The following SLC24A2 variants were observed in gnomAD, a reference collection of about 807,000 sequenced individuals.
The protein encoded by SLC24A2 is solute carrier family 24 member 2.
A neutral mutation model predicts 62.0 loss-of-function variants in SLC24A2; 36 were observed. That is an observed-to-expected ratio of 0.58 (90% CI 0.44 to 0.77). The LOEUF is 0.77. Ranked by LOEUF, SLC24A2 falls within the 30% of genes least tolerant of loss-of-function variation. The probability of loss-of-function intolerance (pLI) is 0.00; values close to 1 mark genes in which losing one functional copy is unlikely to be tolerated. For synonymous variants in SLC24A2, 358 were observed against 294.0 expected (o/e 1.22, Z -2.23); for missense variants, 846 against 817.9 (o/e 1.03, Z -0.42).
intron 10 of SLC24A2, among the ~76,000 whole-genome samples, chr9:19,519,786 A>T (rs1833102239): frequency 6.6e-6 from 1 of 152,210 alleles, no homozygotes; most frequent in Admixed American, 6.5e-5. Flanking sequence ...TAAAAGGGTA[A>T]GTCAGAGTTT....
At chr9:19,795,346 T>C in the SLC24A2 span, among the ~76,000 whole-genome samples, 4 of 140,262 alleles carry the variant, frequency 2.9e-5, no homozygotes, top group Admixed American at 8.2e-5. Context: ...ATTCTCCAAA[T>C]TGGCCTTTCT....
At chr9:19,613,155 T>C (rs1413994549) in intron 4 of SLC24A2, among the ~76,000 whole-genome samples, 1 of 152,258 alleles carries the variant, frequency 6.6e-6, no homozygotes, top group Non-Finnish European at 1.5e-5. Flanking sequence ...ACCCTCACTT[T>C]TTAACAACTT....
chr9:19,923,579 C>G, the SLC24A2 span, among the ~76,000 whole-genome samples: 6 of 152,106 alleles, frequency 3.9e-5, no homozygotes, highest in Admixed American at 1.3e-4. Context: ...CTGCTGTGCT[C>G]TTGGTTGAAG....
the SLC24A2 span, among the ~76,000 whole-genome samples, chr9:20,052,829 ATGT>A: frequency 6.6e-6 from 1 of 152,054 alleles, no homozygotes; most frequent in Non-Finnish European, 1.5e-5. Context: ...TTAGGACTTG[ATGT>A]TGTTTATTCT....
the SLC24A2 span, among the ~76,000 whole-genome samples, chr9:20,230,586 T>C: frequency 6.7e-6 from 1 of 150,048 alleles, no homozygotes; most frequent in East Asian, 2.0e-4. Context: ...GGTTGTTTGT[T>C]TTTTTCTTGT....
chr9:19,597,644 C>T (rs1277365395), intron 4 of SLC24A2, among the ~76,000 whole-genome samples: 4 of 152,184 alleles, frequency 2.6e-5, no homozygotes, highest in Admixed American at 6.5e-5. Context: ...ACAAGGACAA[C>T]GTCCAGGCTC....
At chr9:19,907,307 G>T in the SLC24A2 span, among the ~76,000 whole-genome samples, 2 of 152,140 alleles carry the variant, frequency 1.3e-5, no homozygotes, top group African/African-American at 2.4e-5. Flanking sequence ...CAATAAATTA[G>T]GTGTTGATGG....
chr9:19,584,466 A>AG (rs1295819298), intron 5 of SLC24A2, among the ~76,000 whole-genome samples: 2 of 152,206 alleles, frequency 1.3e-5, no homozygotes, highest in East Asian at 3.9e-4. Flanking sequence ...CCTTCTTACG[A>AG]GGGTATGGAG....
At chr9:20,004,852 A>G in the SLC24A2 span, among the ~76,000 whole-genome samples, 2 of 151,890 alleles carry the variant, frequency 1.3e-5, no homozygotes, top group Admixed American at 6.6e-5. Context: ...ATTGAACCTG[A>G]GTTGATGTAA....
At chr9:19,759,728 T>C (rs958860855) in intron 2 of SLC24A2, among the ~76,000 whole-genome samples, 6 of 152,194 alleles carry the variant, frequency 3.9e-5, no homozygotes, top group Non-Finnish European at 7.3e-5. Context: ...TAGGGATTCA[T>C]GTGTGAATAA....
the SLC24A2 span, among the ~76,000 whole-genome samples, chr9:20,025,282 T>A: frequency 6.6e-6 from 1 of 152,192 alleles, no homozygotes; most frequent in East Asian, 1.9e-4. Context: ...TCACTCTGTA[T>A]CTCAGCTCCT....
intron 8 of SLC24A2, among the ~76,000 whole-genome samples, chr9:19,534,629 T>G (rs1833869754): frequency 6.6e-6 from 1 of 152,110 alleles, no homozygotes; most frequent in South Asian, 2.1e-4. Context: ...TGTTCTTGTG[T>G]TAGTTTGCTG....
chr9:19,687,559 T>C (rs1436552141), intron 2 of SLC24A2, among the ~76,000 whole-genome samples: 1 of 152,132 alleles, frequency 6.6e-6, no homozygotes, highest in Non-Finnish European at 1.5e-5. Flanking sequence ...TTCCTCATTC[T>C]GAAACATTGT....
chr9:19,516,491 C>T (rs1392855898), intron 10 of SLC24A2, 89 bp from the exon 11 acceptor site: 5 of 1,465,214 alleles, frequency 3.4e-6, no homozygotes, highest in Non-Finnish European at 4.7e-6. Context: ...CCTATTATTA[C>T]CTTCTCAGGA....
At chr9:20,111,325 C>A in the SLC24A2 span, among the ~76,000 whole-genome samples, 2 of 152,200 alleles carry the variant, frequency 1.3e-5, no homozygotes, top group East Asian at 3.9e-4. Flanking sequence ...GCTTTGCTGT[C>A]AGTCCAGCTA....
At chr9:19,937,429 A>G in the SLC24A2 span, among the ~76,000 whole-genome samples, 1 of 152,236 alleles carries the variant, frequency 6.6e-6, no homozygotes, top group Admixed American at 6.5e-5. Flanking sequence ...TTAGATAAAT[A>G]ATTCCATGAG....
At chr9:19,892,860 T>G in the SLC24A2 span, among the ~76,000 whole-genome samples, 1 of 152,182 alleles carries the variant, frequency 6.6e-6, no homozygotes, top group Non-Finnish European at 1.5e-5. Context: ...AATAAAACTG[T>G]ACCCACCCAG....
the SLC24A2 span, among the ~76,000 whole-genome samples, chr9:19,831,165 T>C: frequency 8.5e-5 from 13 of 152,214 alleles, no homozygotes; most frequent in African/African-American, 2.4e-4. Context: ...TACTATTGCA[T>C]TGGGGATTAA....
chr9:19,906,678 C>A, the SLC24A2 span, among the ~76,000 whole-genome samples: 1 of 152,068 alleles, frequency 6.6e-6, no homozygotes, highest in African/African-American at 2.4e-5. Flanking sequence ...TACAAACTAC[C>A]ATCAGAGAAT....
Sources: gnomAD v4.1 joint callset for allele counts (sites outside exome capture counted in the v4.1 genomes callset) on GRCh38, gnomAD v4.1.1 for gene constraint, MANE v1.5 for transcripts, NCBI Gene and HGNC (gene_info 2026-07-23, HGNC 2026-07-21) for gene names.